The following ECD variants were observed in gnomAD, a reference collection of about 807,000 sequenced individuals.
The protein encoded by ECD is protein ecdysoneless homolog.
In ECD, 59 loss-of-function variants were observed where a neutral mutation model predicts 77.2. That is an observed-to-expected ratio of 0.76 (90% confidence interval 0.62 to 0.95). ECD has a LOEUF of 0.95. ECD is among the 40% of genes least tolerant of loss of function. The pLI is 0.00. For synonymous variants in ECD, 233 were observed against 267.4 expected, an observed-to-expected ratio of 0.87 and a Z score of 1.26; for missense variants, 704 against 763.4, an observed-to-expected ratio of 0.92 and a Z score of 0.92.
chr10:73,148,284 A>G lies in ECD; in HGVS notation c.1033T>C (p.Tyr345His). ...SFLESLKKND[Y>H]FKGLIEGSAQ... ...TATATTGCAAGTCCTACCTTAAAGT[A>G]ATCATTCTTTTTCAGACTTTCAAGG... Residue 345 changes from tyrosine (Y) to histidine (H), a missense_variant, in exon 8 of 14, where the codon TAC becomes CAC. Around this residue, in one of 3 missense-constraint regions of ECD, gnomAD observed 559 missense variants for 583.7 expected, o/e 0.96. Transcript: ENST00000372979. 1 of 1,613,696 alleles carries G rather than the reference A, an allele frequency of 6.2e-7. No homozygotes were observed. The highest frequency in any genetic ancestry group is 8.5e-7 in the Non-Finnish European group (1 of 1,179,752).
chr10:73,140,988 A>C (rs1484818040), intron 9 of ECD, among the ~76,000 whole-genome samples: 1 of 152,034 alleles, frequency 6.6e-6, no homozygotes, highest in Non-Finnish European at 1.5e-5. Context: ...AGCATCAATT[A>C]AAATTTATCT....
At chr10:73,149,790 A>G (rs535134763) in intron 7 of ECD, among the ~76,000 whole-genome samples, 1 of 152,348 alleles carries the variant, frequency 6.6e-6, no homozygotes, top group East Asian at 1.9e-4. Context: ...TAAGGGATAC[A>G]ATCAATTTAT....
At chr10:73,150,816 C>T (rs1396457942) in intron 7 of ECD, among the ~76,000 whole-genome samples, 1 of 152,148 alleles carries the variant, frequency 6.6e-6, no homozygotes, top group Admixed American at 6.5e-5. Flanking sequence ...AAATCAAAAC[C>T]ACAATGAGAT....
In ECD at chr10:73,167,945, G is replaced by C. The variant is rs1002964974; in HGVS notation, c.-93C>G. The C allele has an allele frequency of 9.0e-6, 2 of 222,452 alleles. No individual in the cohort carries two copies. The highest frequency in any genetic ancestry group is 4.7e-5 in the African/African-American group (2 of 42,722). The allele number at this position is 222,452 out of a possible 1,614,324, so 13.8% of individuals were successfully genotyped here. A position where few individuals can be genotyped will look rare whatever the true frequency, so the allele number is the denominator to read the frequency against. On this transcript the variant is annotated 5_prime_UTR_variant, in exon 1 of 14. Coordinates refer to ENST00000372979, the MANE Select transcript of ECD (RefSeq NM_007265.3). ...CTCCGACTGCGAGAGCTGATCGAGA[G>C]CTGCCACCGGCCGCCGAAGCCTGGA...
At chr10:73,168,041 C>T, upstream of ECD, 2 of 430,944 alleles carry the variant, frequency 4.6e-6, no homozygotes, top group South Asian at 6.4e-5. Context: ...CTGAAACCCA[C>T]TCAGTCCCCG....
chr10:73,157,573 T>C (rs1221628738), intron 3 of ECD, among the ~76,000 whole-genome samples: 1 of 150,706 alleles, frequency 6.6e-6, no homozygotes, highest in African/African-American at 2.4e-5. Flanking sequence ...ACAAAAAAAA[T>C]CAGCCAGGCG....
In ECD at chr10:73,166,634, G is replaced by T. The variant is rs375984097; in HGVS notation, c.-14+1232C>A. 2.5e-3 allele frequency among the ~76,000 whole-genome samples: 377 copies of T among 152,288 alleles called. 19 individuals are homozygous for T. In the South Asian group the frequency reaches 0.075, roughly 30 times the overall value. ...CTTCTTTGAGAAATGTCTATTCAGA[G>T]TTTTTATCCAATTCTTAATCAATTA... On this transcript the variant is annotated intron_variant, in intron 1 of 13. Coordinates refer to ENST00000372979, the MANE Select transcript of ECD (RefSeq NM_007265.3).
At position 73,139,335 on chromosome 10, in the gene ECD, T is replaced by G; in HGVS notation, c.1395A>C (p.Ser465=). The G allele has an allele frequency of 6.2e-7, 1 of 1,614,028 alleles. No individual in the cohort carries two copies. Among genetic ancestry groups the G allele is most frequent in the Non-Finnish European group, 8.5e-7 (1 of 1,179,988 alleles). ...ESMKAFISKV[S]THKGAELPRE... is the part of the protein sequence containing the mutation. Reference sequence around the variant, plus strand: ...GAGGCAGCTCTGCTCCCTTGTGGGTTGAGACTTTGGATATGAAAGCTTTCA... The same window carrying G: ...GAGGCAGCTCTGCTCCCTTGTGGGTGGAGACTTTGGATATGAAAGCTTTCA... The change falls in exon 11 of 14, where the codon TCA becomes TCC. Residue 465 remains serine (S), a synonymous_variant. Transcript: ENST00000372979.
At chr10:73,167,341 C>T (rs981680404) in intron 1 of ECD, among the ~76,000 whole-genome samples, 8 of 152,196 alleles carry the variant, frequency 5.3e-5, no homozygotes, top group Non-Finnish European at 4.4e-5. Context: ...AAGAATGTCA[C>T]TGGTATTTTG....
chr10:73,153,855 A>G (rs893249555), intron 6 of ECD, among the ~76,000 whole-genome samples: 1 of 152,102 alleles, frequency 6.6e-6, no homozygotes, highest in African/African-American at 2.4e-5. Context: ...TGGGTGCAAG[A>G]AAAGAAAAAA....
chr10:73,159,798 C>T (rs1055333160), intron 3 of ECD, among the ~76,000 whole-genome samples: 1 of 151,354 alleles, frequency 6.6e-6, no homozygotes, highest in African/African-American at 2.4e-5. Context: ...CATGTACCAC[C>T]ATGCCTGGCT....
At chr10:73,156,537 C>G in intron 4 of ECD, 31 bp downstream of exon 4, 1 of 1,613,198 alleles carries the variant, frequency 6.2e-7, no homozygotes, top group Non-Finnish European at 8.5e-7. Context: ...GATTTCATCT[C>G]TATAAATTTT....
chr10:73,166,661 T>C (rs769936905), intron 1 of ECD, among the ~76,000 whole-genome samples: 3 of 152,254 alleles, frequency 2.0e-5, no homozygotes, highest in Non-Finnish European at 2.9e-5. Context: ...AATCAATTAT[T>C]AGACTGCTTC....
intron 1 of ECD, among the ~76,000 whole-genome samples, chr10:73,166,336 T>G (rs556061771): frequency 6.6e-6 from 1 of 152,330 alleles, no homozygotes; most frequent in African/African-American, 2.4e-5. Context: ...TTTGGGTAAA[T>G]ACCCAACAGT....
At chr10:73,147,250 T>C (rs200199926) in intron 8 of ECD, among the ~76,000 whole-genome samples, 2 of 122,268 alleles carry the variant, frequency 1.6e-5, no homozygotes, top group Middle Eastern at 3.7e-3. Flanking sequence ...ACAACAACAA[T>C]AACAACAACA....
Position 73,163,797 on chromosome 10 carries a change from T to G in ECD, c.141A>C (p.Ala47=). The G allele has an allele frequency of 6.2e-7, 1 of 1,614,178 alleles. No homozygotes were observed. The highest frequency in any genetic ancestry group is 8.5e-7 in the Non-Finnish European group (1 of 1,180,038). ...GCCAGATGTAGGGGACCAGCATAGG[T>G]GCAAACCGAGTGATTATTCTCTCAA... The part of the protein sequence containing the change: ...KYIERIITRF[A]PMLVPYIWQN... The change falls in exon 2 of 14, where the codon GCA becomes GCC. Residue 47 remains alanine, a synonymous_variant. Coordinates refer to ENST00000372979, the MANE Select transcript of ECD (RefSeq NM_007265.3).
rs1456560435 is a variant in ECD at position 73,163,839 on chromosome 10, CTCTT to C, written c.95_98del (p.Lys32ArgfsTer10). ...TTCTCTCAATGTACTTCTGAAGAAT[CTCTT>C]TATGTTTATCTGAGTCCCTTGACTC... On this transcript the variant is annotated frameshift_variant, in exon 2 of 14. Transcript: ENST00000372979. LOFTEE classifies it high-confidence loss of function. The C allele has an allele frequency of 1.2e-6, 2 of 1,614,122 alleles. No homozygotes were observed. The highest frequency in any genetic ancestry group is 2.2e-5 in the South Asian group (2 of 91,074).
chr10:73,159,899 C>T (rs550359713), intron 3 of ECD, among the ~76,000 whole-genome samples: 22 of 151,394 alleles, frequency 1.5e-4, no homozygotes, highest in Non-Finnish European at 2.9e-4. Context: ...CTCGGCCTCC[C>T]AAAGTGCTGG....
At chr10:73,150,152 C>T (rs2133260275) in intron 7 of ECD, among the ~76,000 whole-genome samples, 1 of 152,278 alleles carries the variant, frequency 6.6e-6, no homozygotes, top group African/African-American at 2.4e-5. Flanking sequence ...ACCAAAACAG[C>T]AAGGTACTGG....
Sources: allele counts gnomAD v4.1 joint callset (sites outside exome capture counted in the v4.1 genomes callset), GRCh38; gene constraint gnomAD v4.1.1; regional missense constraint gnomAD v4.1.1; transcripts MANE v1.5; gene names NCBI Gene and HGNC (gene_info 2026-07-23, HGNC 2026-07-21).